EEIG2: variants seen among roughly 807,000 people sequenced by gnomAD.
EEIG2 encodes the protein EEIG family member 2, also known as family with sequence similarity 102 member B.
chr1:108,572,639 G>A, the EEIG2 span, among the ~76,000 whole-genome samples: 9 of 151,908 alleles, frequency 5.9e-5, no homozygotes, highest in Admixed American at 2.0e-4. Flanking sequence ...TTCTTGAGAC[G>A]GAGTCTCGCC....
At chr1:108,601,002 T>G in the EEIG2 span, among the ~76,000 whole-genome samples, 1 of 152,192 alleles carries the variant, frequency 6.6e-6, no homozygotes, top group South Asian at 2.1e-4. Context: ...TTAGGCATTG[T>G]TCTGGGAACT....
chr1:108,625,784 G>C, the EEIG2 span: 31 of 15,828 alleles, frequency 2.0e-3, no homozygotes, highest in African/African-American at 2.6e-3. Context: ...CTGTGTGTGT[G>C]TGTGTGTGTG....
At chr1:108,634,698 C>T in the EEIG2 span, among the ~76,000 whole-genome samples, 5 of 152,262 alleles carry the variant, frequency 3.3e-5, no homozygotes, top group South Asian at 2.1e-4. Context: ...GCCATGAAAA[C>T]GCCACAATAT....
At chr1:108,562,066 A>G in the EEIG2 span, among the ~76,000 whole-genome samples, 1 of 152,196 alleles carries the variant, frequency 6.6e-6, no homozygotes, top group South Asian at 2.1e-4. Flanking sequence ...TGGCTTCTAA[A>G]TATATTATCT....
chr1:108,629,397 A>G, the EEIG2 span, among the ~76,000 whole-genome samples: 7 of 152,234 alleles, frequency 4.6e-5, no homozygotes, highest in East Asian at 1.9e-4. Flanking sequence ...AGAGTTTTAG[A>G]AACATTGAAG....
chr1:108,569,607 G>A, the EEIG2 span, among the ~76,000 whole-genome samples: 1 of 152,232 alleles, frequency 6.6e-6, no homozygotes, highest in African/African-American at 2.4e-5. Context: ...ACAGGTGTGA[G>A]TCACTGTACC....
the EEIG2 span, chr1:108,616,369 G>T: frequency 6.4e-7 from 1 of 1,569,140 alleles, no homozygotes; most frequent in Non-Finnish European, 8.7e-7. Context: ...GATATTTCTT[G>T]TTTTATATTT....
the EEIG2 span, chr1:108,636,060 G>A: frequency 2.0e-5 from 3 of 152,188 alleles, no homozygotes; most frequent in South Asian, 2.1e-4. Context: ...ACAGTTTTCC[G>A]AAGTGGTGGT....
At chr1:108,616,762 ATTC>A in the EEIG2 span, among the ~76,000 whole-genome samples, 1 of 152,192 alleles carries the variant, frequency 6.6e-6, no homozygotes, top group African/African-American at 2.4e-5. Context: ...GTTAGGCCAT[ATTC>A]TAGATACTAG....
the EEIG2 span, among the ~76,000 whole-genome samples, chr1:108,578,282 AC>A: frequency 1.6e-5 from 2 of 121,772 alleles, no homozygotes; most frequent in Admixed American, 1.9e-4. Context: ...CTAATTGAAT[AC>A]CCTTTATTTC....
the EEIG2 span, chr1:108,560,473 C>T: frequency 6.2e-7 from 1 of 1,613,282 alleles, no homozygotes; most frequent in Admixed American, 1.7e-5. Context: ...ACTTCGAGCT[C>T]GAGGAGCTCT....
the EEIG2 span, among the ~76,000 whole-genome samples, chr1:108,612,542 C>T: frequency 6.6e-6 from 1 of 152,128 alleles, no homozygotes; most frequent in Non-Finnish European, 1.5e-5. Flanking sequence ...AATACATACA[C>T]CACTATAACA....
At chr1:108,571,092 G>T in the EEIG2 span, among the ~76,000 whole-genome samples, 1 of 152,308 alleles carries the variant, frequency 6.6e-6, no homozygotes, top group African/African-American at 2.4e-5. Flanking sequence ...TAGCCAGAAT[G>T]ATTGCAGGTG....
the EEIG2 span, among the ~76,000 whole-genome samples, chr1:108,584,615 A>C: frequency 6.6e-6 from 1 of 152,196 alleles, no homozygotes; most frequent in Non-Finnish European, 1.5e-5. Flanking sequence ...TTCGCAGATT[A>C]CAACCACCTT....
chr1:108,596,695 C>T, the EEIG2 span, among the ~76,000 whole-genome samples: 1 of 151,362 alleles, frequency 6.6e-6, no homozygotes, highest in African/African-American at 2.4e-5. Flanking sequence ...TTTTTTTATT[C>T]TTCAAGCACA....
At chr1:108,630,079 A>G in the EEIG2 span, among the ~76,000 whole-genome samples, 1 of 152,180 alleles carries the variant, frequency 6.6e-6, no homozygotes, top group African/African-American at 2.4e-5. Flanking sequence ...CCTGAGCTCA[A>G]GTGATCCTCC....
chr1:108,612,249 AG>A, the EEIG2 span: 2 of 1,613,800 alleles, frequency 1.2e-6, no homozygotes. Context: ...GTTTACTGGA[AG>A]GCTATGATAC....
the EEIG2 span, among the ~76,000 whole-genome samples, chr1:108,580,745 G>A: frequency 5.3e-5 from 8 of 152,260 alleles, no homozygotes; most frequent in East Asian, 7.7e-4. Context: ...TGAGGGAAGT[G>A]CAAAAGAAAA....
chr1:108,560,343 A>C, the EEIG2 span: 3 of 1,068,824 alleles, frequency 2.8e-6, no homozygotes, highest in East Asian at 6.2e-5. Context: ...GGCCCCGGCC[A>C]TGGGGCTGGG....
Sources: gnomAD v4.1 joint callset for allele counts (sites outside exome capture counted in the v4.1 genomes callset) on GRCh38, gnomAD v4.1.1 for gene constraint, MANE v1.5 for transcripts, NCBI Gene and HGNC (gene_info 2026-07-23, HGNC 2026-07-21) for gene names.